Variants in DDX54 observed in about 807,000 individuals in gnomAD.
DDX54 encodes ATP-dependent RNA helicase DDX54.
In DDX54, 67 loss-of-function variants were observed where a neutral mutation model predicts 105.5. The ratio of observed to expected loss-of-function variants is 0.64; its 90% CI spans 0.52 to 0.78. The LOEUF (loss-of-function observed/expected upper bound fraction) is 0.78. DDX54 is among the 30% of genes least tolerant of loss of function. The pLI is 0.00. For missense variants in DDX54, 1,206 were observed against 1,230.5 expected, an observed-to-expected ratio of 0.98 and a Z score of 0.30; for synonymous variants, 514 against 509.9, an observed-to-expected ratio of 1.01 and a Z score of -0.11.
At position 113,181,062 on chromosome 12, in the gene DDX54, G is replaced by A; in HGVS notation, c.175-4C>T. 6.2e-7 allele frequency: 1 copy of A among 1,610,722 alleles called. No individual in the cohort carries two copies. The highest frequency in any genetic ancestry group is 8.5e-7 in the Non-Finnish European group (1 of 1,178,752). ...GCAGGGGTCTTCCAGGTCCCAGCTGGGAGGGAAGGACAGAGAGGTGGTGTC... is the reference window on the plus strand; with the variant it reads ...GCAGGGGTCTTCCAGGTCCCAGCTGAGAGGGAAGGACAGAGAGGTGGTGTC... On this transcript the variant is annotated splice_region_variant and splice_polypyrimidine_tract_variant and intron_variant, in intron 1 of 19. Coordinates refer to ENST00000306014, the MANE Select transcript of DDX54 (RefSeq NM_024072.4).
chr12:113,170,687 T>C (rs1952326843), intron 11 of DDX54, among the ~76,000 whole-genome samples: 1 of 152,062 alleles, frequency 6.6e-6, no homozygotes, highest in Non-Finnish European at 1.5e-5. Context: ...GCCACACTCA[T>C]TTGTTTATAT....
At chr12:113,183,628 CTTCATGTGCATACACATGACA>C (rs1952490776) in intron 1 of DDX54, 1 of 152,296 alleles carries the variant, frequency 6.6e-6, no homozygotes, top group African/African-American at 2.4e-5. Flanking sequence ...ACACCCATCC[CTTCATGTGCATACACATGACA>C]TTCAGTAATG....
At chr12:113,161,855 T>C in intron 18 of DDX54, 38 bp downstream of exon 18, 1 of 1,285,868 alleles carries the variant, frequency 7.8e-7, no homozygotes, top group Non-Finnish European at 1.0e-6. Context: ...CTGAAGCTCC[T>C]CGGCCCCGCC....
At chr12:113,164,440 G>A (rs1230061961) in intron 14 of DDX54, among the ~76,000 whole-genome samples, 155 bp from the exon 15 acceptor site, 3 of 152,264 alleles carry the variant, frequency 2.0e-5, no homozygotes, top group Non-Finnish European at 2.9e-5. Flanking sequence ...CAGACCAGGC[G>A]CAGTGGCTCA....
chr12:113,180,273 C>G (rs1359960520), intron 2 of DDX54, among the ~76,000 whole-genome samples: 1 of 152,162 alleles, frequency 6.6e-6, no homozygotes, highest in Non-Finnish European at 1.5e-5. Flanking sequence ...TTAGGTGACA[C>G]TAAGAAGCTG....
At chr12:113,184,165 T>C (rs577544309) in intron 1 of DDX54, among the ~76,000 whole-genome samples, 1 of 152,224 alleles carries the variant, frequency 6.6e-6, no homozygotes, top group East Asian at 1.9e-4. Flanking sequence ...AGGCTGGTCT[T>C]GAACTCCCGA....
At chr12:113,167,478 G>A (rs1392630560) in intron 12 of DDX54, among the ~76,000 whole-genome samples, 6 of 152,216 alleles carry the variant, frequency 3.9e-5, no homozygotes, top group African/African-American at 7.2e-5. Context: ...ATCACCCAGC[G>A]TTAATTACCA....
Position 113,163,003 on chromosome 12 carries a change from T to C in DDX54, c.2124A>G (p.Ala708=), listed in dbSNP as rs753501895. 6.2e-7 allele frequency: 1 copy of C among 1,609,628 alleles called. No homozygotes were observed. The highest frequency in any genetic ancestry group is 1.1e-5 in the South Asian group (1 of 91,022). Reference sequence around the variant, plus strand: ...CCATCAAGTCCAGGACAGCGCCAGCTGCCTGCTGCTCAAAGGCTCCCCCTT... The same window carrying C: ...CCATCAAGTCCAGGACAGCGCCAGCCGCCTGCTGCTCAAAGGCTCCCCCTT... ...SGEGGAFEQQ[A]AGAVLDLMGD... is the part of the protein sequence containing the mutation. The change falls in exon 17 of 20, where the codon GCA becomes GCG. Residue 708 remains alanine, a synonymous_variant. Coordinates refer to ENST00000306014, the MANE Select transcript of DDX54 (RefSeq NM_024072.4). The surrounding 1 kb of genome is among the most constrained non-coding windows in gnomAD (Gnocchi z 5.9).
At position 113,172,212 on chromosome 12, in the gene DDX54, A is replaced by C. The variant is rs934395443; in HGVS notation, c.1279+141T>G. On this transcript the variant is annotated intron_variant, in intron 11 of 19. Coordinates refer to ENST00000306014, the MANE Select transcript of DDX54 (RefSeq NM_024072.4). ...ACGATCGCGAGTTTGAGACCAGCTT[A>C]AGCAATATAGCGAGGCTCTGTCTCT... 65 of 928,340 alleles carry C rather than the reference A, an allele frequency of 7.0e-5. 1 individual carries two copies. In the South Asian group the frequency reaches 8.8e-4, roughly 13 times the overall value. The allele number at this position is 928,340 out of a possible 1,614,324, so 57.5% of individuals were successfully genotyped here.
Position 113,159,094 on chromosome 12 carries a change from TG to T in DDX54, c.2428del (p.His810ThrfsTer21). On this transcript the variant is annotated frameshift_variant, in exon 20 of 20. Coordinates refer to ENST00000306014, the MANE Select transcript of DDX54 (RefSeq NM_024072.4). LOFTEE classifies it high-confidence loss of function. Reference sequence around the variant, plus strand: ...TCGGCCTGCAGGGGTGCCTGGGGCGTGGGGCCGGGATGCACCTGCTGGGACA... The same window carrying T: ...TCGGCCTGCAGGGGTGCCTGGGGCGTGGGCCGGGATGCACCTGCTGGGACA... ...RDRGQGASRP[H>X]APGTPAGRVR... The T allele has an allele frequency of 6.2e-7, 1 of 1,601,044 alleles. No homozygotes were observed.
intron 14 of DDX54, among the ~76,000 whole-genome samples, 160 bp from the exon 15 acceptor site, chr12:113,164,445 G>T (rs1445445601): frequency 6.6e-6 from 1 of 152,244 alleles, no homozygotes; most frequent in Non-Finnish European, 1.5e-5. Flanking sequence ...CAGGCGCAGT[G>T]GCTCATGCCT....
chr12:113,158,952 G>A lies in DDX54; in HGVS notation c.2571C>T (p.Arg857=), dbSNP rs749299982. 8 of 1,611,222 alleles carry A rather than the reference G, an allele frequency of 5.0e-6. No individual in the cohort carries two copies. The highest frequency in any genetic ancestry group is 3.3e-5 in the South Asian group (3 of 90,852). ...AGGCGCCCTGCTGCAGCTCCTGGAC[G>A]CGGCGGCGGTTGCGGGCAGAGAGCT... ...LKQLSARNRR[R]VQELQQGAFG... The change falls in exon 20 of 20, where the codon CGC becomes CGT. Residue 857 remains arginine (R), a synonymous_variant. Coordinates refer to ENST00000306014, the MANE Select transcript of DDX54 (RefSeq NM_024072.4). The surrounding 1 kb of genome is among the most constrained non-coding windows in gnomAD (Gnocchi z 4.9).
At position 113,183,005 on chromosome 12, in the gene DDX54, A is replaced by G. The variant is rs1442727551; in HGVS notation, c.175-1947T>C. On this transcript the variant is annotated intron_variant, in intron 1 of 19. Coordinates refer to ENST00000306014, the MANE Select transcript of DDX54 (RefSeq NM_024072.4). ...CCCAAGTAGCTGGGACTACAGGCACACACCACCATGCCTGGCTAATTTTTG... is the reference window on the plus strand; with the variant it reads ...CCCAAGTAGCTGGGACTACAGGCACGCACCACCATGCCTGGCTAATTTTTG... 4.0e-5 allele frequency among the ~76,000 whole-genome samples: 6 copies of G among 151,856 alleles called. No homozygotes were observed. The East Asian group carries it at 1.2e-3, about 29-fold the overall frequency.
In DDX54 at chr12:113,163,048, G is replaced by A; in HGVS notation, c.2082-3C>T. ...CCCCTTCCCCGCTGATGCTCAGGCT[G>A]CAGAGGGAGAGTGGGAGACATAATT... On this transcript the variant is annotated splice_polypyrimidine_tract_variant and splice_region_variant and intron_variant, in intron 16 of 19. Transcript: ENST00000306014. The surrounding 1 kb of genome is among the most constrained non-coding windows in gnomAD (Gnocchi z 5.9). 6.2e-7 allele frequency: 1 copy of A among 1,608,922 alleles called. No homozygotes were observed.
chr12:113,183,839 T>G (rs999267605), intron 1 of DDX54: 1 of 151,698 alleles, frequency 6.6e-6, no homozygotes, highest in African/African-American at 2.4e-5. Flanking sequence ...TATGATGGAG[T>G]GCAGTTGTGT....
intron 14 of DDX54, among the ~76,000 whole-genome samples, chr12:113,165,410 G>A (rs757513562): frequency 6.6e-6 from 1 of 152,224 alleles, no homozygotes; most frequent in Non-Finnish European, 1.5e-5. Flanking sequence ...AGCCAGCAGG[G>A]ATGGTTCCAG....
Position 113,172,486 on chromosome 12 carries a change from G to T in DDX54, c.1146C>A (p.Ala382=). ...LDPTARKINL[A]KFTLGKCSTL... ...TGGAGCACTTGCCAAGCGTGAATTT[G>T]GCGAGATTGATCTTGCGGGCTGTCG... Residue 382 remains alanine, a synonymous_variant, in exon 11 of 20, where the codon GCC becomes GCA. Coordinates refer to ENST00000306014, the MANE Select transcript of DDX54 (RefSeq NM_024072.4). 6.2e-7 allele frequency: 1 copy of T among 1,614,254 alleles called. No homozygotes were observed. Among genetic ancestry groups the T allele is most frequent in the Non-Finnish European group, 8.5e-7 (1 of 1,180,054 alleles).
At chr12:113,170,580 A>C (rs1238500422) in intron 11 of DDX54, among the ~76,000 whole-genome samples, 1 of 152,228 alleles carries the variant, frequency 6.6e-6, no homozygotes, top group Admixed American at 6.5e-5. Context: ...TCAAGCTTAC[A>C]GTGAGCTATG....
At chr12:113,184,215 G>A (rs527298635) in intron 1 of DDX54, among the ~76,000 whole-genome samples, 1 of 152,180 alleles carries the variant, frequency 6.6e-6, no homozygotes, top group East Asian at 1.9e-4. Flanking sequence ...TAAAGTGCTG[G>A]GATTACAGGC....
Sources: allele counts gnomAD v4.1 joint callset (sites outside exome capture counted in the v4.1 genomes callset), GRCh38; gene constraint gnomAD v4.1.1; non-coding constraint Gnocchi (gnomAD v3.1); transcripts MANE v1.5; gene names NCBI Gene and HGNC (gene_info 2026-07-23, HGNC 2026-07-21).